Variants in ITPK1 observed in about 807,000 individuals in gnomAD.
ITPK1 encodes inositol 1,3,4-trisphosphate 5/6-kinase.
ITPK1 carries 21 observed loss-of-function variants against 45.3 expected under a neutral mutation model. That is an observed-to-expected ratio of 0.46 (90% CI 0.33 to 0.67). The LOEUF (loss-of-function observed/expected upper bound fraction) is 0.67, where lower values mean the gene tolerates loss of function less well. ITPK1 is among the 30% of genes least tolerant of loss of function. ITPK1 has a pLI of 0.02. For missense variants in ITPK1, 474 were observed against 573.5 expected, an observed-to-expected ratio of 0.83 and a Z score of 1.77; for synonymous variants, 258 against 253.6, an observed-to-expected ratio of 1.02 and a Z score of -0.16.
chr14:92,966,834 C>G (rs61052086), intron 5 of ITPK1, among the ~76,000 whole-genome samples: 2,433 of 152,344 alleles, frequency 0.016, 78 homozygotes, highest in African/African-American at 0.056. Flanking sequence ...CAAGACAATT[C>G]AAGGGGCGGA....
chr14:92,945,699 T>C (rs1382505972), intron 10 of ITPK1, among the ~76,000 whole-genome samples: 1 of 152,196 alleles, frequency 6.6e-6, no homozygotes, highest in Non-Finnish European at 1.5e-5. Context: ...CCTCATGCCC[T>C]GTGCTGGGGC....
chr14:92,975,271 C>T (rs1449455511), intron 5 of ITPK1, among the ~76,000 whole-genome samples: 1 of 152,246 alleles, frequency 6.6e-6, no homozygotes, highest in African/African-American at 2.4e-5. Flanking sequence ...CTCAATCAAG[C>T]TCCGCCACAG....
Position 92,940,897 on chromosome 14 carries a change from G to A in ITPK1, c.*664C>T. On this transcript the variant is annotated 3_prime_UTR_variant, in exon 11 of 11. Coordinates refer to ENST00000267615, the MANE Select transcript of ITPK1 (RefSeq NM_014216.6). ...AGGGCTAAATGGGACGTGTGTTGGGGGGCCCAGAGGACGCCCAGCTTCCTT... is the reference window on the plus strand; with the variant it reads ...AGGGCTAAATGGGACGTGTGTTGGGAGGCCCAGAGGACGCCCAGCTTCCTT... The A allele has an allele frequency of 7.8e-7, 1 of 1,288,412 alleles. No individual in the cohort carries two copies. 79.8% of individuals were successfully genotyped at this position (1,288,412 alleles called of 1,614,324 possible).
chr14:93,066,320 ATG>A (rs755050138), intron 3 of ITPK1: 27,184 of 355,148 alleles, frequency 0.077, no homozygotes, highest in South Asian at 0.095. Flanking sequence ...GTGTGTGTGT[ATG>A]TGTGTGTGTG....
chr14:93,046,600 G>T (rs147824928), intron 3 of ITPK1, among the ~76,000 whole-genome samples: 1 of 148,446 alleles, frequency 6.7e-6, no homozygotes, highest in Non-Finnish European at 1.5e-5. Context: ...GGGGCGGGGG[G>T]GGGCGGCGGG....
Position 92,940,864 on chromosome 14 carries a change from C to G in ITPK1, c.*697G>C. 7.8e-7 allele frequency: 1 copy of G among 1,288,670 alleles called. No individual in the cohort carries two copies. The highest frequency in any genetic ancestry group is 1.0e-6 in the Non-Finnish European group (1 of 988,696). The allele number at this position is 1,288,670 out of a possible 1,614,324, so 79.8% of individuals were successfully genotyped here. ...CAGTGCTGGCTTAGGGGAAGGAGAC[C>G]GCTGTGCAGGGCTAAATGGGACGTG... On this transcript the variant is annotated 3_prime_UTR_variant, in exon 11 of 11. Transcript: ENST00000267615.
chr14:92,940,166 C>G lies in ITPK1; in HGVS notation c.*1395G>C. 1.0e-6 allele frequency: 1 copy of G among 985,772 alleles called. No individual in the cohort carries two copies. The highest frequency in any genetic ancestry group is 1.2e-6 in the Non-Finnish European group (1 of 830,112). 61.1% of individuals were successfully genotyped at this position (985,772 alleles called of 1,614,324 possible). The stretch of plus-strand genomic sequence containing the variant: ...CATGCACTGGCTCGGGGGCCTCTCT[C>G]GGGACACTCAGCACTTTCTCTAGCG... On this transcript the variant is annotated 3_prime_UTR_variant, in exon 11 of 11. Coordinates refer to ENST00000267615, the MANE Select transcript of ITPK1 (RefSeq NM_014216.6).
chr14:93,056,438 T>C (rs908173547), intron 3 of ITPK1, among the ~76,000 whole-genome samples: 2 of 152,216 alleles, frequency 1.3e-5, no homozygotes, highest in Non-Finnish European at 2.9e-5. Flanking sequence ...GCATTTTTCA[T>C]GGGCGCCCCA....
chr14:93,024,117 G>A (rs763299968), intron 3 of ITPK1, among the ~76,000 whole-genome samples: 10 of 151,790 alleles, frequency 6.6e-5, no homozygotes, highest in African/African-American at 1.9e-4. Context: ...CAGAAGCCAC[G>A]TAACAAAGCC....
At position 93,113,548 on chromosome 14, in the gene ITPK1, G is replaced by A. The variant is rs1269725337; in HGVS notation, c.95+1521C>T. Among the ~76,000 whole-genome samples the A allele has an allele frequency of 2.0e-5, 3 of 152,278 alleles. No individual in the cohort carries two copies. In the East Asian group the frequency reaches 5.8e-4, roughly 29 times the overall value. On this transcript the variant is annotated intron_variant, in intron 2 of 10. Coordinates refer to ENST00000267615, the MANE Select transcript of ITPK1 (RefSeq NM_014216.6). ...GTGCCTCACATCAGAACTGGACTTC[G>A]AGAACATGCCAAAGCAGCTGCTCCA...
intron 3 of ITPK1, among the ~76,000 whole-genome samples, chr14:93,027,824 T>TG (rs569648356): frequency 1.1e-3 from 162 of 152,338 alleles, no homozygotes; most frequent in African/African-American, 3.7e-3. Context: ...CTGACCCAGC[T>TG]GCTTTGGCTG....
At chr14:92,993,131 G>C (rs1796746493) in intron 5 of ITPK1, among the ~76,000 whole-genome samples, 1 of 152,248 alleles carries the variant, frequency 6.6e-6, no homozygotes. Context: ...GCAGGGAGCA[G>C]GGGCTGCCTC....
At chr14:92,997,701 TG>T (rs1566724570) in intron 4 of ITPK1, among the ~76,000 whole-genome samples, 1 of 152,192 alleles carries the variant, frequency 6.6e-6, no homozygotes, top group Non-Finnish European at 1.5e-5. Flanking sequence ...TGTAAGCACA[TG>T]TTCCCTCGCA....
intron 5 of ITPK1, among the ~76,000 whole-genome samples, chr14:92,966,956 T>C (rs1427838007): frequency 6.6e-6 from 1 of 152,248 alleles, no homozygotes; most frequent in Admixed American, 6.5e-5. Context: ...AAACTGATCA[T>C]GATCTCATTA....
chr14:93,091,711 C>T (rs886807536), intron 2 of ITPK1, among the ~76,000 whole-genome samples: 16 of 152,156 alleles, frequency 1.1e-4, no homozygotes, highest in African/African-American at 2.7e-4. Flanking sequence ...AGCTCCTCCC[C>T]GCCTCCCATT....
rs142639175 is a variant in ITPK1, at chr14:93,084,960, C to T, written c.96-8341G>A. On this transcript the variant is annotated intron_variant, in intron 2 of 10. Coordinates refer to ENST00000267615, the MANE Select transcript of ITPK1 (RefSeq NM_014216.6). ...GCTCAGCATCAGACCATGAGCCCCT[C>T]GAGGCCAAAGATGGCTCTTTATTTC... is the stretch of plus-strand genomic sequence containing the variant. Among the ~76,000 whole-genome samples, 593 of 152,296 alleles carry T rather than the reference C, an allele frequency of 3.9e-3. 2 individuals carry two copies. The highest frequency in any genetic ancestry group is 0.014 in the African/African-American group (566 of 41,566).
At chr14:93,005,299 C>A (rs2139832246) in intron 4 of ITPK1, among the ~76,000 whole-genome samples, 1 of 152,276 alleles carries the variant, frequency 6.6e-6, no homozygotes, top group Middle Eastern at 3.4e-3. Context: ...AACTCTGATG[C>A]AATCTGCCTC....
intron 3 of ITPK1, among the ~76,000 whole-genome samples, chr14:93,029,965 A>C (rs1888951370): frequency 6.6e-6 from 1 of 152,196 alleles, no homozygotes; most frequent in South Asian, 2.1e-4. Context: ...GATGAATTCA[A>C]AGGCTGCTAC....
At chr14:93,046,818 G>A (rs2139921898) in intron 3 of ITPK1, among the ~76,000 whole-genome samples, 1 of 152,258 alleles carries the variant, frequency 6.6e-6, no homozygotes, top group South Asian at 2.1e-4. Flanking sequence ...GCCCACCCAG[G>A]CTGCGAACCC....
Sources: allele counts gnomAD v4.1 joint callset (sites outside exome capture counted in the v4.1 genomes callset), GRCh38; gene constraint gnomAD v4.1.1; transcripts MANE v1.5; gene names NCBI Gene and HGNC (gene_info 2026-07-23, HGNC 2026-07-21).